MGAT4C: variants seen among roughly 807,000 people sequenced by gnomAD.
The protein encoded by MGAT4C is MGAT4 family member C, also known as alpha-1,3-mannosyl-glycoprotein 4-beta-N-acetylglucosaminyltransferase C.
Under a neutral mutation model 40.1 loss-of-function variants are expected in MGAT4C, and 19 were observed. The ratio of observed to expected loss-of-function variants is 0.47; its 90% CI spans 0.33 to 0.70. The LOEUF (loss-of-function observed/expected upper bound fraction) is 0.70, where lower values mean the gene tolerates loss of function less well. MGAT4C is among the 30% of genes least tolerant of loss of function. The probability of loss-of-function intolerance (pLI) is 0.02; values close to 1 mark genes in which losing one functional copy is unlikely to be tolerated. For missense variants in MGAT4C, 491 were observed against 563.2 expected (o/e 0.87, Z 1.30); for synonymous variants, 181 against 187.1 (o/e 0.97, Z 0.27).
intron 2 of MGAT4C, among the ~76,000 whole-genome samples, chr12:86,711,041 G>A (rs1364475434): frequency 6.6e-6 from 1 of 152,000 alleles, no homozygotes; most frequent in African/African-American, 2.4e-5. Flanking sequence ...GATGCGGAAG[G>A]GTGGGAGGGG....
rs185410905 is a variant in MGAT4C at position 86,609,619 on chromosome 12, T to C, written c.-229+117590A>G. ...GATCTTGGTACTTGGGCTAAAAATA[T>C]TATGTTAAAATCCAAAATAATCTGT... is the stretch of plus-strand genomic sequence containing the variant. On this transcript the variant is annotated intron_variant, in intron 2 of 7. Transcript: ENST00000548651. Among the ~76,000 whole-genome samples the C allele has an allele frequency of 8.5e-3, 1,297 of 152,208 alleles. 7 individuals are homozygous for C. The highest frequency in any genetic ancestry group is 0.014 in the Non-Finnish European group (956 of 67,994).
intron 2 of MGAT4C, among the ~76,000 whole-genome samples, chr12:86,563,187 T>A (rs1959949668): frequency 6.6e-6 from 1 of 152,146 alleles, no homozygotes; most frequent in Non-Finnish European, 1.5e-5. Context: ...GCATGCCAGA[T>A]CTAACAGTGG....
At chr12:86,003,092 C>T (rs771261505) in intron 2 of MGAT4C, among the ~76,000 whole-genome samples, 1 of 152,104 alleles carries the variant, frequency 6.6e-6, no homozygotes, top group Non-Finnish European at 1.5e-5. Context: ...TGAGCCACCA[C>T]ACCTGGCCTA....
chr12:86,507,177 G>A (rs1958485771), intron 2 of MGAT4C, among the ~76,000 whole-genome samples: 1 of 152,152 alleles, frequency 6.6e-6, no homozygotes, highest in Admixed American at 6.6e-5. Flanking sequence ...CTGAGTTTTT[G>A]TAAGAAAACT....
chr12:86,716,478 A>G (rs552378442), intron 2 of MGAT4C, among the ~76,000 whole-genome samples: 1 of 152,246 alleles, frequency 6.6e-6, no homozygotes, highest in South Asian at 2.1e-4. Context: ...CAAAAAAGAT[A>G]GTAACTTTAA....
At chr12:86,561,032 G>T (rs577534958) in intron 2 of MGAT4C, among the ~76,000 whole-genome samples, 4 of 151,924 alleles carry the variant, frequency 2.6e-5, no homozygotes, top group South Asian at 2.1e-4. Flanking sequence ...AACTAAAAAA[G>T]CACTTTCATT....
intron 1 of MGAT4C, among the ~76,000 whole-genome samples, chr12:86,189,925 C>T (rs1260040730): frequency 6.6e-6 from 1 of 152,148 alleles, no homozygotes; most frequent in Non-Finnish European, 1.5e-5. Flanking sequence ...AGGATCTCAG[C>T]ACCCCCTTGT....
intron 1 of MGAT4C, among the ~76,000 whole-genome samples, chr12:86,207,125 A>G (rs1427191865): frequency 1.4e-5 from 2 of 141,798 alleles, no homozygotes; most frequent in African/African-American, 5.2e-5. Flanking sequence ...TTTTTTTTTT[A>G]GCTCGCTTAA....
chr12:86,051,876 G>A (rs541512560), intron 1 of MGAT4C, among the ~76,000 whole-genome samples: 1 of 151,412 alleles, frequency 6.6e-6, no homozygotes, highest in Non-Finnish European at 1.5e-5. Context: ...TTAGTTTTTT[G>A]TACTATTGCT....
chr12:86,467,853 C>T (rs978366311), intron 2 of MGAT4C, among the ~76,000 whole-genome samples: 2 of 151,928 alleles, frequency 1.3e-5, no homozygotes, highest in African/African-American at 4.8e-5. Context: ...TCTACCATGC[C>T]TCTCAAGCCA....
At position 86,066,439 on chromosome 12, in the gene MGAT4C, G is replaced by GA. The variant is rs1410011070; in HGVS notation, c.-56-16717dup. ...CAACCATCTTACCTTTGACAAACCT[G>GA]AAAAAAAAAAGGCAATGGGGAAAAG... On this transcript the variant is annotated intron_variant, in intron 1 of 4. Transcript: ENST00000611864. Among the ~76,000 whole-genome samples the GA allele has an allele frequency of 3.9e-3, 574 of 146,880 alleles. 1 individual carries two copies. The highest frequency in any genetic ancestry group is 0.012 in the African/African-American group (491 of 40,052).
chr12:86,180,578 T>A (rs1888004085), intron 1 of MGAT4C, among the ~76,000 whole-genome samples: 1 of 152,126 alleles, frequency 6.6e-6, no homozygotes, highest in African/African-American at 2.4e-5. Flanking sequence ...ACCCACCTCT[T>A]GCATCAGCAT....
chr12:85,989,872 A>G (rs1885686527), intron 2 of MGAT4C, among the ~76,000 whole-genome samples: 1 of 152,126 alleles, frequency 6.6e-6, no homozygotes, highest in Non-Finnish European at 1.5e-5. Context: ...AAAGCACAAT[A>G]GAAAAACAGT....
chr12:86,370,723 C>T (rs1476277241), intron 3 of MGAT4C, among the ~76,000 whole-genome samples: 1 of 152,018 alleles, frequency 6.6e-6, no homozygotes, highest in Non-Finnish European at 1.5e-5. Context: ...TTCCTATTTG[C>T]CTTTTTTTCT....
chr12:86,529,488 C>T (rs1592955439), intron 2 of MGAT4C, among the ~76,000 whole-genome samples: 1 of 151,884 alleles, frequency 6.6e-6, no homozygotes, highest in South Asian at 2.1e-4. Flanking sequence ...CAGTGGCAGG[C>T]AATTTTTTTT....
intron 1 of MGAT4C, among the ~76,000 whole-genome samples, chr12:86,768,551 C>T (rs1415546522): frequency 1.8e-4 from 27 of 151,764 alleles, no homozygotes; most frequent in South Asian, 6.2e-4. Context: ...AAAGAGCCTG[C>T]ATCGCCAAGT....
At chr12:86,547,589 G>T (rs2136392428) in intron 2 of MGAT4C, among the ~76,000 whole-genome samples, 1 of 152,148 alleles carries the variant, frequency 6.6e-6, no homozygotes, top group Admixed American at 6.5e-5. Context: ...GCTTGTATCT[G>T]TTAGATGTTA....
chr12:85,989,690 A>C, intron 2 of MGAT4C, 138 bp from the exon 3 acceptor site: 2 of 763,028 alleles, frequency 2.6e-6, no homozygotes, highest in Non-Finnish European at 4.0e-6. Flanking sequence ...AATTTCAAAC[A>C]TAAGGTTGGC....
intron 2 of MGAT4C, among the ~76,000 whole-genome samples, chr12:86,011,261 A>G (rs1036453647): frequency 6.6e-6 from 1 of 152,242 alleles, no homozygotes; most frequent in Non-Finnish European, 1.5e-5. Context: ...AGTAAATTGC[A>G]TAAGTCAAGA....
Sources: allele counts gnomAD v4.1 joint callset (sites outside exome capture counted in the v4.1 genomes callset), GRCh38; gene constraint gnomAD v4.1.1; transcripts MANE v1.5; gene names NCBI Gene and HGNC (gene_info 2026-07-23, HGNC 2026-07-21).